Variants in TARBP1 observed in about 807,000 individuals in gnomAD.
TARBP1 encodes tRNA (guanosine(18)-2'-O)-methyltransferase TARBP1.
TARBP1 carries 144 observed loss-of-function variants against 178.6 expected under a neutral mutation model. The observed-to-expected ratio is 0.81, with a 90% CI of 0.70 to 0.93. The LOEUF (loss-of-function observed/expected upper bound fraction) is 0.93. Among genes scored for constraint, TARBP1 ranks in the 40% least tolerant of loss-of-function variants. The pLI is 0.00. For synonymous variants in TARBP1, 787 were observed against 781.0 expected (o/e 1.01, Z -0.13); for missense variants, 2,067 against 2,011.7 (o/e 1.03, Z -0.53).
intron 6 of TARBP1, among the ~76,000 whole-genome samples, chr1:234,461,118 C>G (rs986409611): frequency 3.9e-5 from 6 of 152,110 alleles, no homozygotes; most frequent in Admixed American, 2.6e-4. Context: ...ACAGTGGTAA[C>G]AGCTGTACAA....
At chr1:234,392,302 C>CT in intron 29 of TARBP1, 114 bp downstream of exon 29, 1 of 1,372,846 alleles carries the variant, frequency 7.3e-7, no homozygotes, top group Non-Finnish European at 9.9e-7. Context: ...TGCCACTACA[C>CT]TCCAGCCTGG....
chr1:234,429,023 G>T, intron 17 of TARBP1, 113 bp downstream of exon 17: 1 of 908,920 alleles, frequency 1.1e-6, no homozygotes, highest in Non-Finnish European at 1.6e-6. Context: ...AAATATTTTT[G>T]ACTGAAGGAA....
intron 22 of TARBP1, among the ~76,000 whole-genome samples, chr1:234,412,500 T>A (rs1661935510): frequency 6.6e-6 from 1 of 150,762 alleles, no homozygotes; most frequent in African/African-American, 2.4e-5. Flanking sequence ...ACCTCACCTC[T>A]ATAAAAATTT....
intron 12 of TARBP1, among the ~76,000 whole-genome samples, chr1:234,443,286 G>A (rs1431178547): frequency 3.6e-5 from 5 of 138,174 alleles, no homozygotes; most frequent in East Asian, 2.1e-4. Flanking sequence ...GCGAAACTCC[G>A]TCTCAAAAAA....
At chr1:234,443,227 T>C (rs925685320) in intron 12 of TARBP1, among the ~76,000 whole-genome samples, 1 of 151,110 alleles carries the variant, frequency 6.6e-6, no homozygotes, top group Admixed American at 6.6e-5. Flanking sequence ...GAGGCAAAGG[T>C]TGCGGTGAGC....
At position 234,478,200 on chromosome 1, in the gene TARBP1, A is replaced by C; in HGVS notation, c.904T>G (p.Cys302Gly). ...TTTCCTTCCTGGGGCCCGCAGGTGCAGTCGGCCCCCAGCTCCGCCGACACC... is the reference window on the plus strand; with the variant it reads ...TTTCCTTCCTGGGGCCCGCAGGTGCCGTCGGCCCCCAGCTCCGCCGACACC... Reference protein sequence around the residue: ...VEVSAELGADCTCGPQEGNGP... With the variant: ...VEVSAELGADGTCGPQEGNGP... The change falls in exon 1 of 30, where the codon TGC (cysteine) becomes GGC (glycine). Residue 302 changes from cysteine (C) to glycine (G), a missense_variant. Cys to Gly is a radical substitution (Grantham distance 159). Coordinates refer to ENST00000040877, the MANE Select transcript of TARBP1 (RefSeq NM_005646.4). The C allele has an allele frequency of 6.2e-7, 1 of 1,611,816 alleles. No individual in the cohort carries two copies. Among genetic ancestry groups the C allele is most frequent in the Non-Finnish European group, 8.5e-7 (1 of 1,179,556 alleles).
At chr1:234,459,473 C>T (rs1263276503) in intron 7 of TARBP1, 147 bp from the exon 8 acceptor site, 2 of 617,338 alleles carry the variant, frequency 3.2e-6, no homozygotes, top group African/African-American at 1.9e-5. Flanking sequence ...CCATTATGGC[C>T]TCTATTAAGA....
At position 234,432,877 on chromosome 1, in the gene TARBP1, T is replaced by C. The variant is rs551574162; in HGVS notation, c.2394+533A>G. Among the ~76,000 whole-genome samples, 4 of 152,342 alleles carry C rather than the reference T, an allele frequency of 2.6e-5. No homozygotes were observed. In the East Asian group the frequency reaches 7.7e-4, roughly 29 times the overall value. On this transcript the variant is annotated intron_variant, in intron 14 of 29. Coordinates refer to ENST00000040877, the MANE Select transcript of TARBP1 (RefSeq NM_005646.4). ...TGTCAGACTATAAAATGTCCTTTAC[T>C]GGACACGTTTGGGCAAAAGACCTAG...
At chr1:234,451,262 C>T (rs4920247) in intron 9 of TARBP1, among the ~76,000 whole-genome samples, 36,234 of 152,138 alleles carry the variant, frequency 0.24, 5,073 homozygotes, top group South Asian at 0.43. Flanking sequence ...AATATGTTCT[C>T]AATTTCCTTT....
chr1:234,410,738 C>A (rs1033173087), intron 22 of TARBP1, among the ~76,000 whole-genome samples: 3 of 152,154 alleles, frequency 2.0e-5, no homozygotes, highest in African/African-American at 7.2e-5. Context: ...AATGCCAGTG[C>A]ACACAAAAAT....
chr1:234,465,778 C>T (rs1668375548), intron 4 of TARBP1, 70 bp from the exon 5 acceptor site: 2 of 1,388,762 alleles, frequency 1.4e-6, no homozygotes, highest in East Asian at 2.6e-5. Flanking sequence ...AGTCAGTTTC[C>T]CTGATTGAAC....
At chr1:234,473,679 C>T (rs546007883) in intron 1 of TARBP1, among the ~76,000 whole-genome samples, 2 of 152,324 alleles carry the variant, frequency 1.3e-5, no homozygotes, top group East Asian at 1.9e-4. Flanking sequence ...GCCAAATCAC[C>T]TTATGGTGAA....
In TARBP1 at chr1:234,471,248, T is replaced by C. The variant is rs1423827407; in HGVS notation, c.1039A>G (p.Ile347Val). 2 of 1,592,122 alleles carry C rather than the reference T, an allele frequency of 1.3e-6. No individual in the cohort carries two copies. Among genetic ancestry groups the C allele is most frequent in the African/African-American group, 2.7e-5 (2 of 73,798 alleles). The change falls in exon 3 of 30, where the codon ATA becomes GTA. Residue 347 changes from isoleucine (I) to valine (V), a missense_variant. Physicochemically the swap from Ile to Val is conservative, Grantham distance 29. Transcript: ENST00000040877. ...TTTAGCTTTGGTAAAACTGGCTTTATAACATGTATCTAAAAATAAGAGCAA... is the reference window on the plus strand; with the variant it reads ...TTTAGCTTTGGTAAAACTGGCTTTACAACATGTATCTAAAAATAAGAGCAA... ...ETLEGNQIHV[I>V]KPVLPKLNNL...
chr1:234,394,756 G>T (rs1291833213), intron 26 of TARBP1, among the ~76,000 whole-genome samples: 1 of 152,180 alleles, frequency 6.6e-6, no homozygotes, highest in African/African-American at 2.4e-5. Context: ...TGGAGTGGAG[G>T]GAGATGGCTC....
At chr1:234,474,078 C>A (rs1241129902) in intron 1 of TARBP1, among the ~76,000 whole-genome samples, 6 of 151,946 alleles carry the variant, frequency 3.9e-5, no homozygotes, top group African/African-American at 1.5e-4. Flanking sequence ...CCTGTCTCTA[C>A]AAGGAAATTT....
intron 26 of TARBP1, among the ~76,000 whole-genome samples, chr1:234,397,106 G>C (rs935257322): frequency 6.9e-6 from 1 of 145,746 alleles, no homozygotes; most frequent in African/African-American, 2.6e-5. Context: ...GTGAGTGACA[G>C]ACTGATAGGA....
chr1:234,478,849 G>A lies in TARBP1; in HGVS notation c.255C>T (p.Asp85=). ...GGCGGTGGCGAGGCTGCAGACTGGG[G>A]TCCGGGCCGCCCGCGGGGCGTCCGC... is the stretch of plus-strand genomic sequence containing the variant. ...SLRGRPAGGP[D]PSLQPRHRRR... The change falls in exon 1 of 30, where the codon GAC becomes GAT. Residue 85 remains aspartate (D), a synonymous_variant. Transcript: ENST00000040877. 1 of 1,257,512 alleles carries A rather than the reference G, an allele frequency of 8.0e-7. No homozygotes were observed. The highest frequency in any genetic ancestry group is 2.7e-5 in the South Asian group (1 of 36,970). 77.9% of individuals were successfully genotyped at this position (1,257,512 alleles called of 1,614,324 possible). A position where few individuals can be genotyped will look rare whatever the true frequency, so the allele number is the denominator to read the frequency against.
At chr1:234,474,089 A>T (rs1032376692) in intron 1 of TARBP1, among the ~76,000 whole-genome samples, 4 of 152,064 alleles carry the variant, frequency 2.6e-5, no homozygotes, top group Non-Finnish European at 4.4e-5. Flanking sequence ...AAGGAAATTT[A>T]AAAAATTATC....
chr1:234,448,375 A>G, intron 11 of TARBP1, 105 bp downstream of exon 11: 1 of 906,910 alleles, frequency 1.1e-6, no homozygotes, highest in East Asian at 2.5e-5. Flanking sequence ...CTTCCTTGAC[A>G]CCTTGTGGTC....
Sources: allele counts gnomAD v4.1 joint callset (sites outside exome capture counted in the v4.1 genomes callset), GRCh38; gene constraint gnomAD v4.1.1; transcripts MANE v1.5; gene names NCBI Gene and HGNC (gene_info 2026-07-23, HGNC 2026-07-21).